Variants in ZC2HC1B observed in about 807,000 individuals in gnomAD.
ZC2HC1B encodes zinc finger C2HC domain-containing protein 1B.
In ZC2HC1B, 36 loss-of-function variants were observed where a neutral mutation model predicts 31.0. The observed-to-expected ratio is 1.16, with a 90% CI of 0.89 to 1.54. ZC2HC1B has a LOEUF of 1.54. Ranked by LOEUF, ZC2HC1B falls within the 40% of genes most tolerant of loss-of-function variation. ZC2HC1B has a pLI of 0.00. For synonymous variants in ZC2HC1B, 73 were observed against 88.0 expected, an observed-to-expected ratio of 0.83 and a Z score of 0.95; for missense variants, 260 against 268.6, an observed-to-expected ratio of 0.97 and a Z score of 0.22.
In ZC2HC1B at chr6:143,903,308, CA is replaced by C. The variant is rs1217801957; in HGVS notation, c.598+160del. Among the ~76,000 whole-genome samples the C allele has an allele frequency of 6.6e-6, 1 of 152,076 alleles. No individual in the cohort carries two copies. The highest frequency in any genetic ancestry group is 1.5e-5 in the Non-Finnish European group (1 of 68,016). On this transcript the variant is annotated intron_variant, in intron 6 of 7. Transcript: ENST00000237275. The surrounding 1 kb of genome is among the most constrained non-coding windows in gnomAD (Gnocchi z 4.3). Reference sequence around the variant, plus strand: ...GGGTTAGAGGTTAAAGCTTATTTGCCAAAAGGGAATATTTCTTAATTTATCA... The same window carrying C: ...GGGTTAGAGGTTAAAGCTTATTTGCCAAAGGGAATATTTCTTAATTTATCA...
In ZC2HC1B at chr6:143,885,999, T is replaced by C. The variant is rs1477209863; in HGVS notation, c.91-33T>C. ...GGCATTAAAAACTGATTGTGCACTT[T>C]AGAAATTCCAATCCCTACTCTTCGT... On this transcript the variant is annotated intron_variant, in intron 2 of 7. Coordinates refer to ENST00000237275, the MANE Select transcript of ZC2HC1B (RefSeq NM_001013623.3). This position sits in a 1 kb window ranked among gnomAD's most constrained non-coding sequence, Gnocchi z 4.2. 3 of 1,492,890 alleles carry C rather than the reference T, an allele frequency of 2.0e-6. No individual in the cohort carries two copies. Among genetic ancestry groups the C allele is most frequent in the Non-Finnish European group, 2.7e-6 (3 of 1,122,692 alleles). The allele number at this position is 1,492,890 out of a possible 1,614,324, so 92.5% of individuals were successfully genotyped here.
intron 5 of ZC2HC1B, among the ~76,000 whole-genome samples, 184 bp from the exon 6 acceptor site, chr6:143,902,860 A>T (rs985795273): frequency 6.6e-6 from 1 of 152,172 alleles, no homozygotes; most frequent in African/African-American, 2.4e-5. Flanking sequence ...ACCAGCTGGG[A>T]GGACAAGAAC....
intron 6 of ZC2HC1B, among the ~76,000 whole-genome samples, chr6:143,916,802 C>A (rs982462920): frequency 6.6e-6 from 1 of 152,214 alleles, no homozygotes; most frequent in South Asian, 2.1e-4. Context: ...GCACCTGTAC[C>A]CCCATTGTAT....
rs371758145 is a variant in ZC2HC1B at position 143,891,679 on chromosome 6, G to A, written c.349+4858G>A. Among the ~76,000 whole-genome samples the A allele has an allele frequency of 2.8e-5, 4 of 143,754 alleles. No homozygotes were observed. In the East Asian group the frequency reaches 8.0e-4, roughly 29 times the overall value. The allele number at this position is 143,754 out of a possible 152,430, so 94.3% of individuals were successfully genotyped here. On this transcript the variant is annotated intron_variant, in intron 4 of 7. Coordinates refer to ENST00000237275, the MANE Select transcript of ZC2HC1B (RefSeq NM_001013623.3). ...CTGCACTCCAGTCTGGGTGACAAGA[G>A]CGAAACTCTGTCTCAAAAAAAAAAA...
chr6:143,912,515 GT>G (rs768547395), intron 6 of ZC2HC1B, among the ~76,000 whole-genome samples: 1 of 152,168 alleles, frequency 6.6e-6, no homozygotes, highest in Non-Finnish European at 1.5e-5. Context: ...GGCTGCTAAG[GT>G]TTGCTGGGGG....
chr6:143,877,034 C>CAGG (rs1335177036), intron 1 of ZC2HC1B, among the ~76,000 whole-genome samples: 1 of 150,302 alleles, frequency 6.7e-6, no homozygotes, highest in East Asian at 1.9e-4. Flanking sequence ...TTAACCACCA[C>CAGG]AGGAGGTTTA....
At chr6:143,866,984 G>C (rs1777271224) in intron 1 of ZC2HC1B, among the ~76,000 whole-genome samples, 1 of 152,184 alleles carries the variant, frequency 6.6e-6, no homozygotes, top group Admixed American at 6.5e-5. Context: ...AAAACGTTGA[G>C]TGCCAATGTG....
intron 4 of ZC2HC1B, among the ~76,000 whole-genome samples, chr6:143,897,233 T>G (rs1777678981): frequency 6.6e-6 from 1 of 151,476 alleles, no homozygotes; most frequent in African/African-American, 2.4e-5. Flanking sequence ...AGTTCTACAC[T>G]GAGTTTGAGG....
chr6:143,904,593 A>T (rs1009664578), intron 6 of ZC2HC1B, among the ~76,000 whole-genome samples: 1 of 152,158 alleles, frequency 6.6e-6, no homozygotes, highest in African/African-American at 2.4e-5. Context: ...ATAAATTTTT[A>T]AAATTTTAGT....
rs763429279 is a variant in ZC2HC1B at position 143,933,683 on chromosome 6, T to A, written c.599-3966T>A. On this transcript the variant is annotated intron_variant, in intron 6 of 7. Transcript: ENST00000237275. This position sits in a 1 kb window ranked among gnomAD's most constrained non-coding sequence, Gnocchi z 6.4. ...CAGTCTCACTCCCACCGTGCCCTGCTAACCGTGCCAAGTTTATCTCTAGGC... is the reference window on the plus strand; with the variant it reads ...CAGTCTCACTCCCACCGTGCCCTGCAAACCGTGCCAAGTTTATCTCTAGGC... Among the ~76,000 whole-genome samples the A allele has an allele frequency of 6.6e-6, 1 of 152,158 alleles. No homozygotes were observed. Among genetic ancestry groups the A allele is most frequent in the Non-Finnish European group, 1.5e-5 (1 of 68,018 alleles).
intron 1 of ZC2HC1B, among the ~76,000 whole-genome samples, chr6:143,874,976 G>T (rs1422894343): frequency 6.6e-6 from 1 of 152,016 alleles, no homozygotes; most frequent in East Asian, 1.9e-4. Flanking sequence ...GGGACTGCAG[G>T]TGCTCACCAC....
At chr6:143,880,186 A>G (rs1777452098) in intron 1 of ZC2HC1B, among the ~76,000 whole-genome samples, 1 of 152,072 alleles carries the variant, frequency 6.6e-6, no homozygotes, top group African/African-American at 2.4e-5. Context: ...ACTTTCTGTT[A>G]CTCATTTTTA....
At chr6:143,893,543 G>A (rs906926407) in intron 4 of ZC2HC1B, among the ~76,000 whole-genome samples, 1 of 151,888 alleles carries the variant, frequency 6.6e-6, no homozygotes, top group African/African-American at 2.4e-5. Flanking sequence ...CTCCAGCCTG[G>A]GTGACAGAGT....
Position 143,883,357 on chromosome 6 carries a change from T to G in ZC2HC1B, c.29-947T>G, listed in dbSNP as rs1322833123. ...CCTGACCCACCTGCAGCTTTTTCAC[T>G]AAACTCCGCTCTTCTCCCACTATAC... On this transcript the variant is annotated intron_variant, in intron 1 of 7. Transcript: ENST00000237275. The surrounding 1 kb of genome is among the most constrained non-coding windows in gnomAD (Gnocchi z 4.1). Among the ~76,000 whole-genome samples, 2 of 152,166 alleles carry G rather than the reference T, an allele frequency of 1.3e-5. No homozygotes were observed. The highest frequency in any genetic ancestry group is 2.9e-5 in the Non-Finnish European group (2 of 68,032).
In ZC2HC1B at chr6:143,878,283, T is replaced by C. The variant is rs1777430900; in HGVS notation, c.29-6021T>C. 2.0e-5 allele frequency among the ~76,000 whole-genome samples: 3 copies of C among 150,738 alleles called. 1 individual carries two copies. The highest frequency in any genetic ancestry group is 4.3e-4 in the South Asian group (2 of 4,668). ...GCTATTTAGTGCCACATTTTCCACA[T>C]TTTTGTGCTTTTTCTTTGGTGATTT... On this transcript the variant is annotated intron_variant, in intron 1 of 7. Coordinates refer to ENST00000237275, the MANE Select transcript of ZC2HC1B (RefSeq NM_001013623.3).
intron 6 of ZC2HC1B, among the ~76,000 whole-genome samples, chr6:143,932,341 G>T (rs567395853): frequency 8.5e-5 from 13 of 152,180 alleles, no homozygotes; most frequent in Non-Finnish European, 1.8e-4. Context: ...TGGAGGCTTT[G>T]ATCATTTAAA....
At chr6:143,909,700 G>A (rs1777837144) in intron 6 of ZC2HC1B, among the ~76,000 whole-genome samples, 1 of 151,960 alleles carries the variant, frequency 6.6e-6, no homozygotes, top group Non-Finnish European at 1.5e-5. Context: ...TGTGCATAGG[G>A]TTGTTTATAG....
chr6:143,936,956 A>T (rs1251698326), intron 6 of ZC2HC1B, among the ~76,000 whole-genome samples: 1 of 152,174 alleles, frequency 6.6e-6, no homozygotes, highest in African/African-American at 2.4e-5. Flanking sequence ...TGAGAGTTTG[A>T]TTCACAATTT....
At chr6:143,875,276 A>C (rs908880793) in intron 1 of ZC2HC1B, among the ~76,000 whole-genome samples, 2 of 152,184 alleles carry the variant, frequency 1.3e-5, no homozygotes, top group African/African-American at 4.8e-5. Flanking sequence ...GCCTTGGTCA[A>C]GGGTATATTT....
Sources: allele counts gnomAD v4.1 joint callset (sites outside exome capture counted in the v4.1 genomes callset), GRCh38; gene constraint gnomAD v4.1.1; non-coding constraint Gnocchi (gnomAD v3.1); transcripts MANE v1.5; gene names NCBI Gene and HGNC (gene_info 2026-07-23, HGNC 2026-07-21).